The following CMIP variants were observed in gnomAD, a reference collection of about 807,000 sequenced individuals.
The protein encoded by CMIP is c-Maf inducing protein.
A neutral mutation model predicts 97.3 loss-of-function variants in CMIP; 13 were observed. The ratio of observed to expected loss-of-function variants is 0.13; its 90% CI spans 0.09 to 0.21. CMIP has a LOEUF of 0.21. CMIP is among the 10% of genes least tolerant of loss of function. The pLI, the probability that CMIP is intolerant of heterozygous loss-of-function variation, is 1.00. For missense variants in CMIP, 847 were observed against 1,024.9 expected (o/e 0.83, Z 2.37); for synonymous variants, 538 against 436.3 (o/e 1.23, Z -2.91).
intron 3 of CMIP, chr16:81,630,849 A>C (rs952653917): frequency 1.5e-4 from 23 of 152,318 alleles, no homozygotes; most frequent in African/African-American, 5.5e-4. Flanking sequence ...CCCCAGAGGC[A>C]GGGGGCCCAG....
At chr16:81,692,162 T>C (rs989609160) in intron 11 of CMIP, among the ~76,000 whole-genome samples, 70 of 152,328 alleles carry the variant, frequency 4.6e-4, no homozygotes, top group African/African-American at 1.6e-3. Flanking sequence ...TTATCGTCTT[T>C]TATTATGCAC....
chr16:81,669,122 ACCT>A (rs1256974012), intron 7 of CMIP, among the ~76,000 whole-genome samples: 70 of 35,682 alleles, frequency 2.0e-3, no homozygotes, highest in Non-Finnish European at 2.9e-3. Context: ...TCTCACACTC[ACCT>A]CCTTCCACAC....
At chr16:81,603,443 C>T (rs1032290706) in intron 1 of CMIP, 3 of 454,386 alleles carry the variant, frequency 6.6e-6, no homozygotes, top group Non-Finnish European at 1.3e-5. Context: ...AGGAAAGCGA[C>T]GAGGATACCC....
intron 1 of CMIP, among the ~76,000 whole-genome samples, chr16:81,595,095 C>G (rs2091532319): frequency 6.6e-6 from 1 of 151,538 alleles, no homozygotes; most frequent in Non-Finnish European, 1.5e-5. Flanking sequence ...CCATAGTTGA[C>G]CACTGGTAAC....
chr16:81,460,914 C>A (rs990134518), intron 1 of CMIP, among the ~76,000 whole-genome samples: 1 of 152,044 alleles, frequency 6.6e-6, no homozygotes, highest in South Asian at 2.1e-4. Flanking sequence ...ACTTTGATGC[C>A]CTGTTGTATG....
intron 19 of CMIP, among the ~76,000 whole-genome samples, 161 bp downstream of exon 19, chr16:81,705,765 A>G (rs945585985): frequency 4.6e-5 from 7 of 152,270 alleles, no homozygotes; most frequent in Admixed American, 3.9e-4. Context: ...ACCAGGCACC[A>G]TTCCATGTGC....
chr16:81,649,772 A>G (rs569758105), intron 3 of CMIP, among the ~76,000 whole-genome samples: 12 of 152,312 alleles, frequency 7.9e-5, no homozygotes, highest in South Asian at 2.1e-4. Flanking sequence ...ACGGGTGTGG[A>G]TCGCTGTGGT....
At chr16:81,566,850 C>G (rs58545206) in intron 1 of CMIP, among the ~76,000 whole-genome samples, 26,854 of 152,134 alleles carry the variant, frequency 0.18, 3,165 homozygotes, top group African/African-American at 0.33. Flanking sequence ...ATGAATCTCA[C>G]AGATATTATG....
chr16:81,694,105 C>G (rs910981656), intron 13 of CMIP, among the ~76,000 whole-genome samples: 9 of 152,228 alleles, frequency 5.9e-5, no homozygotes, highest in Non-Finnish European at 1.0e-4. Flanking sequence ...ACACACATTC[C>G]TTTTCTCATG....
chr16:81,499,765 G>A (rs978642366), intron 1 of CMIP, among the ~76,000 whole-genome samples: 2 of 152,180 alleles, frequency 1.3e-5, no homozygotes, highest in South Asian at 4.1e-4. Flanking sequence ...ACCCAGCAGC[G>A]CCCTCTGAAT....
intron 1 of CMIP, among the ~76,000 whole-genome samples, chr16:81,592,140 A>G (rs66482861): frequency 0.1 from 15,643 of 151,988 alleles, 890 homozygotes; most frequent in East Asian, 0.3. Context: ...TACTGTTTAT[A>G]TTTTACTTTT....
At chr16:81,685,103 C>T (rs994308858) in intron 10 of CMIP, among the ~76,000 whole-genome samples, 3 of 152,238 alleles carry the variant, frequency 2.0e-5, no homozygotes, top group Non-Finnish European at 4.4e-5. Context: ...TCACCTCCCC[C>T]ACAACCTCTG....
chr16:81,640,176 G>A (rs994097978), intron 3 of CMIP, among the ~76,000 whole-genome samples: 3 of 152,064 alleles, frequency 2.0e-5, no homozygotes, highest in African/African-American at 4.8e-5. Flanking sequence ...CGTTTCTGAC[G>A]CAGGGCAGGG....
intron 17 of CMIP, 69 bp from the exon 18 acceptor site, chr16:81,703,870 G>C: frequency 6.6e-7 from 1 of 1,524,516 alleles, no homozygotes; most frequent in South Asian, 1.2e-5. Flanking sequence ...GGAGGATAGG[G>C]GATAGGAGGG....
intron 1 of CMIP, among the ~76,000 whole-genome samples, chr16:81,572,107 C>T (rs2091102051): frequency 6.6e-6 from 1 of 152,236 alleles, no homozygotes; most frequent in Non-Finnish European, 1.5e-5. Flanking sequence ...CCATTTCCCT[C>T]CTGTCTCCCG....
chr16:81,496,993 A>G (rs7192108), intron 1 of CMIP, among the ~76,000 whole-genome samples: 57,813 of 152,130 alleles, frequency 0.38, 11,182 homozygotes, highest in East Asian at 0.46. Flanking sequence ...ATAAAAGTGG[A>G]TTGCACAGAT....
Position 81,470,556 on chromosome 16 carries a change from C to G in CMIP, c.300+25015C>G, listed in dbSNP as rs12596605. Among the ~76,000 whole-genome samples the G allele has an allele frequency of 0.023, 3,475 of 152,250 alleles. 218 individuals carry two copies. In the East Asian group the frequency reaches 0.28, roughly 12 times the overall value. ...GCTGCTGACAGGCCACCTGGAGGTT[C>G]GAGTCCACCACGAAGGTGGAGTCTT... On this transcript the variant is annotated intron_variant, in intron 1 of 20. Transcript: ENST00000537098.
intron 1 of CMIP, among the ~76,000 whole-genome samples, chr16:81,565,121 A>G (rs1442061128): frequency 6.6e-6 from 1 of 152,078 alleles, no homozygotes; most frequent in Non-Finnish European, 1.5e-5. Context: ...GAGTGGGGGA[A>G]TGGCATGGTA....
chr16:81,502,494 C>T (rs1002477088), intron 1 of CMIP, among the ~76,000 whole-genome samples: 4 of 152,142 alleles, frequency 2.6e-5, no homozygotes, highest in African/African-American at 9.7e-5. Flanking sequence ...ACCCGCAGAA[C>T]GGAGATGTCC....
Sources: gnomAD v4.1 joint callset for allele counts (sites outside exome capture counted in the v4.1 genomes callset) on GRCh38, gnomAD v4.1.1 for gene constraint, MANE v1.5 for transcripts, NCBI Gene and HGNC (gene_info 2026-07-23, HGNC 2026-07-21) for gene names.